SLC9A9: variants seen among roughly 807,000 people sequenced by gnomAD.
The protein encoded by SLC9A9 is sodium/hydrogen exchanger 9.
SLC9A9 carries 62 observed loss-of-function variants against 77.8 expected under a neutral mutation model. That is an observed-to-expected ratio of 0.80 (90% CI 0.65 to 0.98). The LOEUF (loss-of-function observed/expected upper bound fraction) is 0.98, where lower values mean the gene tolerates loss of function less well. SLC9A9 is among the 50% of genes least tolerant of loss of function. The pLI is 0.00. For missense variants in SLC9A9, 775 were observed against 774.9 expected (o/e 1.00, Z 0.00); for synonymous variants, 320 against 283.5 (o/e 1.13, Z -1.29).
chr3:143,473,602 T>G (rs187884181), intron 11 of SLC9A9, among the ~76,000 whole-genome samples: 57 of 152,348 alleles, frequency 3.7e-4, no homozygotes, highest in Middle Eastern at 6.8e-3. Context: ...CTGGAATACT[T>G]TAGTCCACTT....
At chr3:143,736,512 A>G (rs1394053501) in intron 4 of SLC9A9, among the ~76,000 whole-genome samples, 2 of 152,190 alleles carry the variant, frequency 1.3e-5, no homozygotes, top group Admixed American at 1.3e-4. Context: ...GATGTTTAGT[A>G]AACGTTGAAC....
At chr3:143,799,800 C>G (rs558947048) in intron 2 of SLC9A9, among the ~76,000 whole-genome samples, 6 of 152,326 alleles carry the variant, frequency 3.9e-5, no homozygotes, top group South Asian at 4.1e-4. Context: ...TAGACCATCA[C>G]GAACACCGAG....
chr3:143,586,054 T>A (rs1270260044), intron 6 of SLC9A9, among the ~76,000 whole-genome samples: 1 of 152,164 alleles, frequency 6.6e-6, no homozygotes, highest in African/African-American at 2.4e-5. Context: ...TGGGAAGGGA[T>A]AACAGTATAA....
At chr3:143,490,771 G>T (rs975080596) in intron 11 of SLC9A9, among the ~76,000 whole-genome samples, 1 of 152,080 alleles carries the variant, frequency 6.6e-6, no homozygotes, top group Non-Finnish European at 1.5e-5. Context: ...GCCAATGAAA[G>T]GGCTCAGGAA....
chr3:143,533,750 T>G (rs906919852), intron 9 of SLC9A9, among the ~76,000 whole-genome samples: 2 of 152,208 alleles, frequency 1.3e-5, no homozygotes. Context: ...CAGGGAAAGG[T>G]CTTTGTAGTT....
intron 6 of SLC9A9, among the ~76,000 whole-genome samples, chr3:143,592,264 C>T (rs974349846): frequency 1.1e-4 from 17 of 152,216 alleles, no homozygotes; most frequent in Non-Finnish European, 1.0e-4. Context: ...CAGTGGCTCA[C>T]GCCTGTAATC....
intron 2 of SLC9A9, among the ~76,000 whole-genome samples, chr3:143,813,237 G>T (rs1471613942): frequency 6.6e-6 from 1 of 152,106 alleles, no homozygotes; most frequent in Admixed American, 6.5e-5. Flanking sequence ...AGGAAATTAG[G>T]GTTCTGATGA....
intron 4 of SLC9A9, among the ~76,000 whole-genome samples, chr3:143,742,975 T>A (rs1935109312): frequency 6.6e-6 from 1 of 152,142 alleles, no homozygotes; most frequent in Non-Finnish European, 1.5e-5. Flanking sequence ...CCTGCTGCCT[T>A]GTTCCTAGAA....
chr3:143,700,460 C>T (rs1576668190), intron 4 of SLC9A9, among the ~76,000 whole-genome samples: 1 of 152,218 alleles, frequency 6.6e-6, no homozygotes, highest in East Asian at 1.9e-4. Flanking sequence ...GAGTCCTAGG[C>T]CAGGTAGCAT....
At chr3:143,794,875 C>T (rs1400888741) in intron 4 of SLC9A9, 126 bp downstream of exon 4, 21 of 852,296 alleles carry the variant, frequency 2.5e-5, no homozygotes, top group Non-Finnish European at 4.0e-5. Flanking sequence ...AAAAAACATA[C>T]AAATATGTGA....
intron 13 of SLC9A9, among the ~76,000 whole-genome samples, chr3:143,378,627 C>T (rs982126677): frequency 1.3e-5 from 2 of 152,162 alleles, no homozygotes; most frequent in Non-Finnish European, 2.9e-5. Context: ...AAGTGTGGTG[C>T]TCCAGTGACT....
chr3:143,267,458 C>G (rs1029038486), intron 15 of SLC9A9, among the ~76,000 whole-genome samples: 2 of 149,460 alleles, frequency 1.3e-5, no homozygotes, highest in African/African-American at 5.0e-5. Flanking sequence ...CAAGTGATTC[C>G]CCTGCTTCAG....
At chr3:143,748,798 G>A (rs192794760) in intron 4 of SLC9A9, among the ~76,000 whole-genome samples, 5,616 of 150,966 alleles carry the variant, frequency 0.037, 154 homozygotes, top group Middle Eastern at 0.062. Context: ...CCGCTTCCTG[G>A]GTTCACGCCA....
intron 6 of SLC9A9, among the ~76,000 whole-genome samples, chr3:143,587,476 C>A (rs537672481): frequency 6.6e-6 from 1 of 152,162 alleles, no homozygotes; most frequent in Non-Finnish European, 1.5e-5. Context: ...TTCTAGGCAC[C>A]GAAGCAAAGC....
chr3:143,437,564 TAGA>T (rs2034645849), intron 12 of SLC9A9, among the ~76,000 whole-genome samples: 1 of 152,242 alleles, frequency 6.6e-6, no homozygotes, highest in Admixed American at 6.5e-5. Flanking sequence ...TGATATCTAC[TAGA>T]AGAACGTTAG....
intron 12 of SLC9A9, among the ~76,000 whole-genome samples, chr3:143,425,420 A>T (rs1488602403): frequency 6.6e-6 from 1 of 152,188 alleles, no homozygotes; most frequent in Non-Finnish European, 1.5e-5. Flanking sequence ...ATTATAAAGA[A>T]TTAAAGTATA....
intron 13 of SLC9A9, among the ~76,000 whole-genome samples, chr3:143,373,248 T>C (rs2033097832): frequency 6.6e-6 from 1 of 152,154 alleles, no homozygotes; most frequent in South Asian, 2.1e-4. Flanking sequence ...GGTATGTATA[T>C]ACCACTGAAC....
At chr3:143,283,266 C>T (rs912802529) in intron 14 of SLC9A9, among the ~76,000 whole-genome samples, 10 of 152,142 alleles carry the variant, frequency 6.6e-5, no homozygotes, top group Non-Finnish European at 8.8e-5. Context: ...TGGCACAAGA[C>T]GGTGGCCTTA....
intron 14 of SLC9A9, among the ~76,000 whole-genome samples, chr3:143,343,090 T>G (rs2032155859): frequency 6.6e-6 from 1 of 152,234 alleles, no homozygotes; most frequent in Non-Finnish European, 1.5e-5. Flanking sequence ...ATTTCTTTAT[T>G]CACTGAAATG....
Sources: gnomAD v4.1 joint callset for allele counts (sites outside exome capture counted in the v4.1 genomes callset) on GRCh38, gnomAD v4.1.1 for gene constraint, MANE v1.5 for transcripts, NCBI Gene and HGNC (gene_info 2026-07-23, HGNC 2026-07-21) for gene names.